Variants in ALPK3 observed in about 807,000 individuals in gnomAD.
ALPK3 encodes the protein alpha kinase 3.
A neutral mutation model predicts 140.0 loss-of-function variants in ALPK3; 102 were observed. That is an observed-to-expected ratio of 0.73 (90% CI 0.62 to 0.86). The LOEUF is 0.86. Among genes scored for constraint, ALPK3 ranks in the 40% least tolerant of loss-of-function variants. The probability of loss-of-function intolerance (pLI) is 0.00; values close to 1 mark genes in which losing one functional copy is unlikely to be tolerated. For synonymous variants in ALPK3, 938 were observed against 898.5 expected (o/e 1.04, Z -0.79); for missense variants, 2,254 against 2,208.2 (o/e 1.02, Z -0.42).
chr15:84,837,233 AAAG>A (rs1567088806), intron 3 of ALPK3, among the ~76,000 whole-genome samples: 1 of 152,224 alleles, frequency 6.6e-6, no homozygotes, highest in Non-Finnish European at 1.5e-5. Flanking sequence ...ATTTCTTTTT[AAAG>A]AAGGACACAG....
intron 5 of ALPK3, among the ~76,000 whole-genome samples, chr15:84,848,484 C>T (rs1963761962): frequency 1.3e-5 from 2 of 151,598 alleles, no homozygotes; most frequent in Non-Finnish European, 2.9e-5. Flanking sequence ...AAAAATCACA[C>T]TACGTAAGTT....
Position 84,857,674 on chromosome 15 carries a change from G to A in ALPK3, c.2936G>A (p.Gly979Glu), listed in dbSNP as rs755344188. Residue 979 changes from glycine (G) to glutamate (E), a missense_variant, in exon 6 of 14, where the codon GGG becomes GAG. By Grantham distance (98) the Gly-to-Glu change is moderately conservative. This residue lies in a region of ALPK3 where 2,088 missense variants were observed against 2,022.9 expected (regional missense o/e 1.03). Coordinates refer to ENST00000258888, the MANE Select transcript of ALPK3 (RefSeq NM_020778.5). ...TCCAGCACAGAGACAAGTGGAGCAG[G>A]GGGAGAGTCCCAGGTGGGGGCAGCC... ...KLSSTETSGAGGESQVGAATG... is the reference protein window; with the variant it reads ...KLSSTETSGAEGESQVGAATG... 3 of 1,607,776 alleles carry A rather than the reference G, an allele frequency of 1.9e-6. No homozygotes were observed. Among genetic ancestry groups the A allele is most frequent in the Non-Finnish European group, 1.7e-6 (2 of 1,175,440 alleles).
Position 84,858,382 on chromosome 15 carries a change from C to T in ALPK3, c.3644C>T (p.Pro1215Leu), listed in dbSNP as rs762139625. The change falls in exon 6 of 14, where the codon CCT becomes CTT. Residue 1215 changes from proline to leucine, a missense_variant. This residue lies in a region of ALPK3 where 2,088 missense variants were observed against 2,022.9 expected (regional missense o/e 1.03). Transcript: ENST00000258888. ...PGTPGRERRS[P>L]TQGRKASMLE... ...ACTCCAGGGCGGGAGAGACGCTCCC[C>T]TACGCAGGGCAGAAAGGCGAGCATG... The T allele has an allele frequency of 3.9e-6, 6 of 1,554,056 alleles. No homozygotes were observed. In the Admixed American group the frequency reaches 1.2e-4, roughly 30 times the overall value.
chr15:84,839,959 TGAGCGGGGCTCAAGC>T lies in ALPK3; in HGVS notation c.682_696del (p.Ser228_Ala232del), dbSNP rs1238102996. The T allele has an allele frequency of 6.2e-6, 10 of 1,613,094 alleles. No homozygotes were observed. The highest frequency in any genetic ancestry group is 8.5e-6 in the Non-Finnish European group (10 of 1,179,590). ...GACCGCTTCCAGCGAAAGCGGCGAT[TGAGCGGGGCTCAAGC>T]GCCGGGCCCCTCGGTCCCTACCAGG... is the stretch of plus-strand genomic sequence containing the variant. On this transcript the variant is annotated inframe_deletion, in exon 5 of 14. Transcript: ENST00000258888.
In ALPK3 at chr15:84,868,105, C is replaced by T. The variant is rs755038719; in HGVS notation, c.4773-6C>T. 2.5e-6 allele frequency: 4 copies of T among 1,604,658 alleles called. No individual in the cohort carries two copies. Among genetic ancestry groups the T allele is most frequent in the Non-Finnish European group, 2.6e-6 (3 of 1,173,522 alleles). ...CCCCCACTCAGCTCTTCCTGTCTGG[C>T]TGCAGATACCAGGGCCTCAAGGAAA... is the stretch of plus-strand genomic sequence containing the variant. On this transcript the variant is annotated splice_polypyrimidine_tract_variant and splice_region_variant and intron_variant, in intron 13 of 13. Coordinates refer to ENST00000258888, the MANE Select transcript of ALPK3 (RefSeq NM_020778.5).
intron 1 of ALPK3, among the ~76,000 whole-genome samples, 170 bp downstream of exon 1, chr15:84,817,765 C>A (rs959533047): frequency 6.6e-6 from 1 of 152,204 alleles, no homozygotes; most frequent in Non-Finnish European, 1.5e-5. Flanking sequence ...GCTTTCATAG[C>A]CCCTTGTGAC....
intron 3 of ALPK3, among the ~76,000 whole-genome samples, chr15:84,835,694 G>A (rs1596148406): frequency 1.3e-5 from 2 of 152,164 alleles, no homozygotes; most frequent in East Asian, 3.9e-4. Context: ...GGGGAAGCGG[G>A]AGATCAGAGG....
Position 84,868,462 on chromosome 15 carries a change from G to T in ALPK3, c.*6G>T. Reference sequence around the variant, plus strand: ...AGGCCCAGGGCATGCGGTAGCCTCCGCAGAGGCTGGGGGCCTCCACCCAGC... The same window carrying T: ...AGGCCCAGGGCATGCGGTAGCCTCCTCAGAGGCTGGGGGCCTCCACCCAGC... On this transcript the variant is annotated 3_prime_UTR_variant, in exon 14 of 14. Transcript: ENST00000258888. 1 of 1,599,716 alleles carries T rather than the reference G, an allele frequency of 6.3e-7. No individual in the cohort carries two copies. The highest frequency in any genetic ancestry group is 8.5e-7 in the Non-Finnish European group (1 of 1,177,392).
At chr15:84,847,208 G>GGGAGAGA (rs1555434914) in intron 5 of ALPK3, among the ~76,000 whole-genome samples, 1 of 116,578 alleles carries the variant, frequency 8.6e-6, no homozygotes, top group Non-Finnish European at 1.7e-5. Context: ...GGAGAAACGG[G>GGGAGAGA]GAGAGAGAGA....
intron 2 of ALPK3, among the ~76,000 whole-genome samples, chr15:84,824,803 A>G (rs570572938): frequency 1.3e-5 from 2 of 152,342 alleles, no homozygotes; most frequent in Non-Finnish European, 2.9e-5. Context: ...AGGACTTGTC[A>G]GGGTTGGACA....
At chr15:84,818,729 C>T (rs4633690) in intron 1 of ALPK3, among the ~76,000 whole-genome samples, 80,218 of 152,048 alleles carry the variant, frequency 0.53, 21,744 homozygotes, top group East Asian at 0.79. Context: ...CCGGTTTCTG[C>T]ATAAAACTCG....
In ALPK3 at chr15:84,839,934, G is replaced by A. The variant is rs148244525; in HGVS notation, c.655G>A (p.Asp219Asn). 1.1e-5 allele frequency: 18 copies of A among 1,613,592 alleles called. No homozygotes were observed. In the African/African-American group the frequency reaches 2.0e-4, roughly 18 times the overall value. ...EVDTLRKLSP[D>N]RFQRKRRLSG... ...CGACACTCTGCGCAAGCTCAGCCCC[G>A]ACCGCTTCCAGCGAAAGCGGCGATT... The change falls in exon 5 of 14, where the codon GAC (aspartate) becomes AAC (asparagine). Residue 219 changes from aspartate to asparagine, a missense_variant. Transcript: ENST00000258888.
At chr15:84,860,175 C>T (rs1376523468) in intron 9 of ALPK3, 103 bp downstream of exon 9, 2 of 1,351,318 alleles carry the variant, frequency 1.5e-6, no homozygotes, top group South Asian at 1.2e-5. Context: ...ACATACTGCT[C>T]CTCTTTGCCT....
chr15:84,868,637 G>C lies in ALPK3; in HGVS notation c.*181G>C, dbSNP rs1245648124. On this transcript the variant is annotated 3_prime_UTR_variant, in exon 14 of 14. Transcript: ENST00000258888. Reference sequence around the variant, plus strand: ...CGTCATCAGATGGCTTTGGTGCATGGCACATAGCCCACTGGCCTCTTCTGG... The same window carrying C: ...CGTCATCAGATGGCTTTGGTGCATGCCACATAGCCCACTGGCCTCTTCTGG... The C allele has an allele frequency of 7.6e-6, 5 of 661,728 alleles. No homozygotes were observed. The East Asian group carries it at 1.1e-4, about 15-fold the overall frequency. 41.0% of individuals were successfully genotyped at this position (661,728 alleles called of 1,614,324 possible).
chr15:84,830,879 GTA>G (rs145249806), intron 3 of ALPK3, among the ~76,000 whole-genome samples: 3 of 151,880 alleles, frequency 2.0e-5, no homozygotes, highest in South Asian at 2.1e-4. Flanking sequence ...GTGTGTGTGT[GTA>G]TGTGTGTGTG....
intron 5 of ALPK3, among the ~76,000 whole-genome samples, chr15:84,853,888 C>T (rs1335081100): frequency 6.6e-6 from 1 of 152,108 alleles, no homozygotes; most frequent in African/African-American, 2.4e-5. Flanking sequence ...GTAGCTCACA[C>T]CTATAATCCT....
chr15:84,824,287 T>C (rs1294611834), intron 2 of ALPK3, among the ~76,000 whole-genome samples: 1 of 152,172 alleles, frequency 6.6e-6, no homozygotes, highest in Admixed American at 6.5e-5. Context: ...CTGGGCAGGC[T>C]CATGGTCCAG....
At position 84,862,915 on chromosome 15, in the gene ALPK3, G is replaced by A. The variant is rs1360561816; in HGVS notation, c.4410G>A (p.Gln1470=). The A allele has an allele frequency of 1.2e-6, 2 of 1,612,884 alleles. No homozygotes were observed. The highest frequency in any genetic ancestry group is 1.7e-6 in the Non-Finnish European group (2 of 1,179,142). ...LVGRNYDVTI[Q]GCKIQNMSRE... is the part of the protein sequence containing the mutation. ...GCAGAAACTACGACGTCACCATCCA[G>A]GTACTATGTCCCATCTTCACACCCC... The change falls in exon 10 of 14, where the codon CAG becomes CAA. Residue 1470 remains glutamine, a splice_region_variant and synonymous_variant. Transcript: ENST00000258888.
rs1296614783 is a variant in ALPK3, at chr15:84,840,614, T to C, written c.1335T>C (p.Ser445=). The change falls in exon 5 of 14, where the codon AGT becomes AGC. Residue 445 remains serine (S), a synonymous_variant. Transcript: ENST00000258888. ...QTLSVRAPGE[S]PKGKAPLRAR... ...TGAGTGTCCGGGCGCCTGGGGAGAGTCCCAAGGGGAAGGCACCCCTCAGGG... is the reference window on the plus strand; with the variant it reads ...TGAGTGTCCGGGCGCCTGGGGAGAGCCCCAAGGGGAAGGCACCCCTCAGGG... 1.3e-6 allele frequency: 2 copies of C among 1,557,370 alleles called. No individual in the cohort carries two copies. Among genetic ancestry groups the C allele is most frequent in the South Asian group, 2.5e-5 (2 of 80,440 alleles).
Sources: allele counts gnomAD v4.1 joint callset (sites outside exome capture counted in the v4.1 genomes callset), GRCh38; gene constraint gnomAD v4.1.1; regional missense constraint gnomAD v4.1.1; transcripts MANE v1.5; gene names NCBI Gene and HGNC (gene_info 2026-07-23, HGNC 2026-07-21).